PIGF: variants seen among roughly 807,000 people sequenced by gnomAD.
PIGF encodes GPI ethanolamine phosphate transferase, stabilizing subunit.
In PIGF, 23 loss-of-function variants were observed where a neutral mutation model predicts 26.0. That is an observed-to-expected ratio of 0.88 (90% CI 0.64 to 1.25). The LOEUF is 1.25. Ranked by LOEUF, PIGF falls within the 50% of genes most tolerant of loss-of-function variation. The pLI is 0.00. For missense variants in PIGF, 278 were observed against 249.9 expected, an observed-to-expected ratio of 1.11 and a Z score of -0.76; for synonymous variants, 93 against 92.6, an observed-to-expected ratio of 1.00 and a Z score of -0.03.
intron 4 of PIGF, among the ~76,000 whole-genome samples, chr2:46,611,246 T>C (rs1300062017): frequency 6.6e-6 from 1 of 152,080 alleles, no homozygotes; most frequent in African/African-American, 2.4e-5. Flanking sequence ...CCCAGCACTT[T>C]GGGAGGCGAG....
In PIGF at chr2:46,581,379, A is replaced by T. The variant is rs889864427; in HGVS notation, c.*99T>A. On this transcript the variant is annotated 3_prime_UTR_variant, in exon 6 of 6. Coordinates refer to ENST00000281382, the MANE Select transcript of PIGF (RefSeq NM_002643.4). ...AATCACATCATGTTGTAACTACGTAAAAAACAGAGCTGTAAATGGAACTGC... is the reference window on the plus strand; with the variant it reads ...AATCACATCATGTTGTAACTACGTATAAAACAGAGCTGTAAATGGAACTGC... 16 of 1,508,128 alleles carry T rather than the reference A, an allele frequency of 1.1e-5. No individual in the cohort carries two copies. In the African/African-American group the frequency reaches 2.2e-4, roughly 21 times the overall value. 93.4% of individuals were successfully genotyped at this position (1,508,128 alleles called of 1,614,324 possible).
intron 5 of PIGF, among the ~76,000 whole-genome samples, chr2:46,586,165 G>A (rs1177708841): frequency 6.6e-6 from 1 of 152,120 alleles, no homozygotes; most frequent in Non-Finnish European, 1.5e-5. Flanking sequence ...CTGGCATTAC[G>A]TTAACCATCT....
chr2:46,616,934 T>A, intron 1 of PIGF, 36 bp downstream of exon 1: 1 of 302,726 alleles, frequency 3.3e-6, no homozygotes, highest in Non-Finnish European at 5.5e-6. Context: ...TTGCACCTCG[T>A]GAGGCGAGAC....
rs1669678956 is a variant in PIGF, at chr2:46,589,929, G to A, written c.546+2546C>T. Among the ~76,000 whole-genome samples, 1 of 151,996 alleles carries A rather than the reference G, an allele frequency of 6.6e-6. No homozygotes were observed. Among genetic ancestry groups the A allele is most frequent in the Admixed American group, 6.6e-5 (1 of 15,266 alleles). Reference sequence around the variant, plus strand: ...TAGTAAATAACTGCTAAAAGGGCAAGGAGCAGATGAGTGCTATATGAATAA... The same window carrying A: ...TAGTAAATAACTGCTAAAAGGGCAAAGAGCAGATGAGTGCTATATGAATAA... On this transcript the variant is annotated intron_variant, in intron 5 of 5. Transcript: ENST00000281382. This position sits in a 1 kb window ranked among gnomAD's most constrained non-coding sequence, Gnocchi z 4.7.
intron 5 of PIGF, among the ~76,000 whole-genome samples, chr2:46,587,761 T>G (rs1046550179): frequency 6.6e-6 from 1 of 152,170 alleles, no homozygotes; most frequent in Admixed American, 6.6e-5. Context: ...GCTTTAAATA[T>G]TCTCCTACAA....
intron 4 of PIGF, among the ~76,000 whole-genome samples, chr2:46,603,522 T>A (rs149531242): frequency 6.6e-6 from 1 of 151,858 alleles, no homozygotes; most frequent in Non-Finnish European, 1.5e-5. Flanking sequence ...CATAGACCAA[T>A]AGAACAAATA....
Position 46,581,481 on chromosome 2 carries a change from A to T in PIGF, c.657T>A (p.Asn219Lys), listed in dbSNP as rs780585821. ...GAAATATCTCCCTTTGCTCCAGTTA[A>T]TTGTTCTTGTATGTAAGTTGCTTTC... is the stretch of plus-strand genomic sequence containing the variant. ...WNRKQLTYKN[N>K] The change falls in exon 6 of 6, where the codon AAT (asparagine) becomes AAA (lysine). Residue 219 changes from asparagine (N) to lysine (K), a missense_variant. Transcript: ENST00000281382. The T allele has an allele frequency of 5.7e-5, 92 of 1,610,666 alleles. No homozygotes were observed. Among genetic ancestry groups the T allele is most frequent in the Non-Finnish European group, 7.3e-5 (86 of 1,179,180 alleles).
chr2:46,589,572 T>C lies in PIGF; in HGVS notation c.546+2903A>G, dbSNP rs1669669119. 1.3e-5 allele frequency among the ~76,000 whole-genome samples: 2 copies of C among 151,910 alleles called. No individual in the cohort carries two copies. The highest frequency in any genetic ancestry group is 1.3e-4 in the Admixed American group (2 of 15,228). ...TATTCCTGTTTCTCTGACTGGAATA[T>C]AAATAAAACCAGAACACAATCCAGA... is the stretch of plus-strand genomic sequence containing the variant. On this transcript the variant is annotated intron_variant, in intron 5 of 5. Transcript: ENST00000281382. This position sits in a 1 kb window ranked among gnomAD's most constrained non-coding sequence, Gnocchi z 4.7.
chr2:46,597,707 T>G (rs1669933716), intron 4 of PIGF, among the ~76,000 whole-genome samples: 1 of 152,176 alleles, frequency 6.6e-6, no homozygotes. Context: ...CCACAGCGCC[T>G]GGCCCTGCCT....
chr2:46,611,012 T>G (rs1670398055), intron 4 of PIGF, among the ~76,000 whole-genome samples: 1 of 152,240 alleles, frequency 6.6e-6, no homozygotes, highest in Non-Finnish European at 1.5e-5. Context: ...CTTCTTGGTC[T>G]CACCAAATCA....
chr2:46,614,870 C>A, intron 2 of PIGF, 67 bp downstream of exon 2: 1 of 731,710 alleles, frequency 1.4e-6, no homozygotes, highest in Non-Finnish European at 2.3e-6. Flanking sequence ...TTGATGAATA[C>A]TTTATTCTTC....
In PIGF at chr2:46,604,855, G is replaced by A. The variant is rs185755308; in HGVS notation, c.437+7373C>T. Among the ~76,000 whole-genome samples the A allele has an allele frequency of 3.5e-3, 532 of 152,014 alleles. 3 individuals carry two copies. The highest frequency in any genetic ancestry group is 7.9e-3 in the Admixed American group (121 of 15,242). ...ACTGTACATTTAAAAATAACTAAGA[G>A]TATAATTGGATTGCTTGTACAACCA... On this transcript the variant is annotated intron_variant, in intron 4 of 5. Coordinates refer to ENST00000281382, the MANE Select transcript of PIGF (RefSeq NM_002643.4).
At chr2:46,614,634 TTAAAGA>T (rs1216933524) in intron 2 of PIGF, 3 of 209,740 alleles carry the variant, frequency 1.4e-5, no homozygotes, top group Admixed American at 1.0e-4. Context: ...TGAGTAAGGT[TTAAAGA>T]TAGACTGTCA....
chr2:46,613,957 G>C (rs570842282), intron 2 of PIGF, 172 bp from the exon 3 acceptor site: 4 of 547,210 alleles, frequency 7.3e-6, no homozygotes, highest in Non-Finnish European at 1.3e-5. Context: ...CACAGCCTTC[G>C]ATACAGACTA....
Position 46,581,032 on chromosome 2 carries a change from T to C in PIGF, c.*446A>G, listed in dbSNP as rs1484041665. On this transcript the variant is annotated 3_prime_UTR_variant, in exon 6 of 6. Coordinates refer to ENST00000281382, the MANE Select transcript of PIGF (RefSeq NM_002643.4). ...CCATTTTAACTCCAAAGAAACACAC[T>C]GTAAAAAAAAGAATAGGATCAAGAT... 3.2e-6 allele frequency: 5 copies of C among 1,586,190 alleles called. No individual in the cohort carries two copies. In the South Asian group the frequency reaches 4.6e-5, roughly 15 times the overall value.
intron 4 of PIGF, among the ~76,000 whole-genome samples, chr2:46,603,285 C>T (rs911937145): frequency 6.6e-6 from 1 of 151,910 alleles, no homozygotes; most frequent in Non-Finnish European, 1.5e-5. Flanking sequence ...TCCATACTAC[C>T]CAAAGCAATC....
At position 46,615,130 on chromosome 2, in the gene PIGF, G is replaced by T. The variant is rs1230980255; in HGVS notation, c.35C>A (p.Thr12Asn). 13 of 1,552,854 alleles carry T rather than the reference G, an allele frequency of 8.4e-6. No homozygotes were observed. The highest frequency in any genetic ancestry group is 1.2e-5 in the Non-Finnish European group (13 of 1,124,496). Residue 12 changes from threonine (T) to asparagine (N), a missense_variant, in exon 2 of 6, where the codon ACC becomes AAC. Coordinates refer to ENST00000281382, the MANE Select transcript of PIGF (RefSeq NM_002643.4). ...KDNDIKRLLY[T>N]HLLCIFSIIL... Reference sequence around the variant, plus strand: ...AATTGAAAATATGCATAAAAGATGGGTATACAGTAGTCTCTTGATATCGTT... The same window carrying T: ...AATTGAAAATATGCATAAAAGATGGTTATACAGTAGTCTCTTGATATCGTT...
Position 46,588,914 on chromosome 2 carries a change from T to G in PIGF, c.546+3561A>C, listed in dbSNP as rs2104070533. 6.6e-6 allele frequency among the ~76,000 whole-genome samples: 1 copy of G among 152,134 alleles called. No individual in the cohort carries two copies. Among genetic ancestry groups the G allele is most frequent in the Middle Eastern group, 3.4e-3 (1 of 294 alleles). ...CAACAAATACTTATTGATTAGCTAT[T>G]TAGTTACAGCAGATAAAGAATCAAA... On this transcript the variant is annotated intron_variant, in intron 5 of 5. Coordinates refer to ENST00000281382, the MANE Select transcript of PIGF (RefSeq NM_002643.4). This position sits in a 1 kb window ranked among gnomAD's most constrained non-coding sequence, Gnocchi z 4.1.
At chr2:46,607,261 C>T (rs1003968548) in intron 4 of PIGF, among the ~76,000 whole-genome samples, 2 of 152,204 alleles carry the variant, frequency 1.3e-5, no homozygotes, top group Admixed American at 1.3e-4. Context: ...ACCATCTCAT[C>T]ACTTCGCAAT....
Sources: gnomAD v4.1 joint callset for allele counts (sites outside exome capture counted in the v4.1 genomes callset) on GRCh38, gnomAD v4.1.1 for gene constraint, Gnocchi (gnomAD v3.1) non-coding constraint, MANE v1.5 for transcripts, NCBI Gene and HGNC (gene_info 2026-07-23, HGNC 2026-07-21) for gene names.